Variants in PARD3 observed in about 807,000 individuals in gnomAD.
The protein encoded by PARD3 is partitioning defective 3 homolog.
In PARD3, 75 loss-of-function variants were observed where a neutral mutation model predicts 155.4. The ratio of observed to expected loss-of-function variants is 0.48; its 90% CI spans 0.40 to 0.58. The LOEUF is 0.58. Among genes scored for constraint, PARD3 ranks in the 20% least tolerant of loss-of-function variants. PARD3 has a pLI of 0.00. For missense variants in PARD3, 1,642 were observed against 1,721.7 expected, an observed-to-expected ratio of 0.95 and a Z score of 0.82; for synonymous variants, 576 against 610.5, an observed-to-expected ratio of 0.94 and a Z score of 0.83.
chr10:34,694,483 T>A (rs2133459806), intron 2 of PARD3, among the ~76,000 whole-genome samples: 1 of 149,444 alleles, frequency 6.7e-6, no homozygotes, highest in South Asian at 2.2e-4. Flanking sequence ...TTTTTTTTTT[T>A]TTTTTTTTTT....
chr10:34,111,199 A>C lies in PARD3; in HGVS notation c.4032T>G (p.Thr1344=). 1.3e-6 allele frequency: 2 copies of C among 1,578,364 alleles called. No individual in the cohort carries two copies. The highest frequency in any genetic ancestry group is 4.5e-5 in the East Asian group (2 of 44,114). The change falls in exon 25 of 25, where the codon ACT becomes ACG. Residue 1344 remains threonine, a synonymous_variant. Transcript: ENST00000374788. ...AATAGAAGGGCCTCCCTTTCTCAGG[A>C]GTCTGAAGTCTGTTCAGCCTCGCAA... The part of the protein sequence containing the change: ...SQVARLNRLQ[T]PEKGRPFYS
intron 14 of PARD3, among the ~76,000 whole-genome samples, chr10:34,352,462 C>T (rs1039442966): frequency 4.6e-5 from 7 of 152,258 alleles, no homozygotes; most frequent in African/African-American, 1.2e-4. Context: ...TCTCCTGCCT[C>T]AGCCTGCAGA....
chr10:34,275,780 G>A (rs1395917242), intron 21 of PARD3, among the ~76,000 whole-genome samples: 1 of 152,074 alleles, frequency 6.6e-6, no homozygotes, highest in African/African-American at 2.4e-5. Context: ...TCTTGCAGTT[G>A]AGCCCTTAAT....
intron 3 of PARD3, among the ~76,000 whole-genome samples, chr10:34,498,339 C>T (rs1589786183): frequency 1.3e-5 from 2 of 152,116 alleles, no homozygotes; most frequent in African/African-American, 4.8e-5. Flanking sequence ...GAAAATAAAT[C>T]TAGAAAATAA....
chr10:34,459,373 G>A (rs549366491), intron 4 of PARD3, among the ~76,000 whole-genome samples: 127 of 151,704 alleles, frequency 8.4e-4, no homozygotes, highest in Non-Finnish European at 1.3e-3. Context: ...GGGTTTCACC[G>A]TGTTAGCCAG....
At chr10:34,128,838 C>G (rs1020823992) in intron 23 of PARD3, among the ~76,000 whole-genome samples, 6 of 152,212 alleles carry the variant, frequency 3.9e-5, no homozygotes, top group Admixed American at 6.5e-5. Context: ...CAGTGATTCT[C>G]AAAGTTGAAC....
intron 22 of PARD3, among the ~76,000 whole-genome samples, chr10:34,133,991 C>T (rs1023607504): frequency 6.6e-6 from 1 of 152,128 alleles, no homozygotes; most frequent in Non-Finnish European, 1.5e-5. Context: ...AACTGATTGG[C>T]CTGGAACATT....
chr10:34,616,639 G>A (rs987616622), intron 2 of PARD3, among the ~76,000 whole-genome samples: 2 of 152,140 alleles, frequency 1.3e-5, no homozygotes, highest in African/African-American at 4.8e-5. Flanking sequence ...GTACATGGAA[G>A]CTAAAAAAGT....
intron 10 of PARD3, among the ~76,000 whole-genome samples, chr10:34,376,397 G>T (rs1032336378): frequency 6.6e-6 from 1 of 152,106 alleles, no homozygotes; most frequent in Admixed American, 6.5e-5. Context: ...AAAGAAAGAC[G>T]GAGAGAGCCA....
intron 22 of PARD3, among the ~76,000 whole-genome samples, chr10:34,168,375 T>G (rs1949635844): frequency 6.6e-6 from 1 of 152,236 alleles, no homozygotes; most frequent in Non-Finnish European, 1.5e-5. Context: ...TGTCACTAAT[T>G]TTAAAGTGAC....
chr10:34,799,969 A>G (rs1250648580), intron 1 of PARD3, among the ~76,000 whole-genome samples: 1 of 152,124 alleles, frequency 6.6e-6, no homozygotes, highest in Non-Finnish European at 1.5e-5. Context: ...CTCTACAAAC[A>G]TAAAAATAAA....
rs116630069 is a variant in PARD3 at position 34,239,418 on chromosome 10, C to T, written c.3419+30239G>A. Among the ~76,000 whole-genome samples the T allele has an allele frequency of 6.5e-3, 983 of 152,350 alleles. 14 individuals carry two copies. The highest frequency in any genetic ancestry group is 0.023 in the African/African-American group (947 of 41,582). ...GAAGAAGTGTCAAGGCAGAGGCAGA[C>T]ACAGACTGAGAGAAGTGGGCTGAAG... On this transcript the variant is annotated intron_variant, in intron 22 of 24. Coordinates refer to ENST00000374788, the MANE Select transcript of PARD3 (RefSeq NM_001184785.2).
At chr10:34,253,498 C>T (rs372727270) in intron 22 of PARD3, among the ~76,000 whole-genome samples, 11 of 152,298 alleles carry the variant, frequency 7.2e-5, no homozygotes, top group South Asian at 2.1e-4. Flanking sequence ...TGATGAGCCA[C>T]GGTACCTGAG....
At chr10:34,458,478 C>CA (rs2077450502) in intron 4 of PARD3, among the ~76,000 whole-genome samples, 1 of 152,138 alleles carries the variant, frequency 6.6e-6, no homozygotes, top group Non-Finnish European at 1.5e-5. Context: ...GCTGAGATTA[C>CA]AGGTGTGAGC....
At chr10:34,580,485 T>C (rs2087341747) in intron 2 of PARD3, among the ~76,000 whole-genome samples, 1 of 152,166 alleles carries the variant, frequency 6.6e-6, no homozygotes, top group Non-Finnish European at 1.5e-5. Flanking sequence ...CAATGAGCTA[T>C]AATCTCACCA....
At chr10:34,471,503 T>C (rs532747873) in intron 3 of PARD3, among the ~76,000 whole-genome samples, 4 of 152,338 alleles carry the variant, frequency 2.6e-5, no homozygotes, top group Admixed American at 2.6e-4. Context: ...ACTCTGTTTT[T>C]AAAAACTAGG....
At chr10:34,598,072 T>C (rs1345195534) in intron 2 of PARD3, among the ~76,000 whole-genome samples, 1 of 152,180 alleles carries the variant, frequency 6.6e-6, no homozygotes, top group Non-Finnish European at 1.5e-5. Context: ...GTAACAACTG[T>C]TACGCCTAAG....
chr10:34,402,001 T>C (rs578161499), intron 5 of PARD3, 84 bp from the exon 6 acceptor site: 334 of 1,018,106 alleles, frequency 3.3e-4, no homozygotes, highest in Non-Finnish European at 4.8e-4. Flanking sequence ...AAAATGGAAG[T>C]CTAATAGGCA....
At chr10:34,237,374 T>C (rs997244586) in intron 22 of PARD3, among the ~76,000 whole-genome samples, 4 of 152,218 alleles carry the variant, frequency 2.6e-5, no homozygotes, top group East Asian at 1.9e-4. Flanking sequence ...CATAAATGTT[T>C]ACTCTCCTGC....
Sources: gnomAD v4.1 joint callset for allele counts (sites outside exome capture counted in the v4.1 genomes callset) on GRCh38, gnomAD v4.1.1 for gene constraint, MANE v1.5 for transcripts, NCBI Gene and HGNC (gene_info 2026-07-23, HGNC 2026-07-21) for gene names.